ANO10: variants seen among roughly 807,000 people sequenced by gnomAD.
The protein encoded by ANO10 is anoctamin 10.
ANO10 carries 77 observed loss-of-function variants against 74.7 expected under a neutral mutation model. The ratio of observed to expected loss-of-function variants is 1.03; its 90% CI spans 0.86 to 1.25. ANO10 has a LOEUF of 1.25. ANO10 is among the 50% of genes most tolerant of loss of function. The probability of loss-of-function intolerance (pLI) is 0.00; values close to 1 mark genes in which losing one functional copy is unlikely to be tolerated. For synonymous variants in ANO10, 279 were observed against 284.9 expected, an observed-to-expected ratio of 0.98 and a Z score of 0.21; for missense variants, 721 against 778.1, an observed-to-expected ratio of 0.93 and a Z score of 0.87.
At chr3:43,528,825 G>A (rs924864566) in intron 11 of ANO10, among the ~76,000 whole-genome samples, 7 of 151,858 alleles carry the variant, frequency 4.6e-5, no homozygotes, top group Non-Finnish European at 8.8e-5. Flanking sequence ...TGAGCATGGT[G>A]GTGTGTGCCT....
chr3:43,616,966 C>A (rs1409137573), intron 1 of ANO10, among the ~76,000 whole-genome samples: 1 of 151,588 alleles, frequency 6.6e-6, no homozygotes, highest in East Asian at 1.9e-4. Context: ...ATGTGACAGA[C>A]TTTCATCTTG....
chr3:43,459,344 G>A (rs1361002075), intron 11 of ANO10, among the ~76,000 whole-genome samples: 2 of 152,152 alleles, frequency 1.3e-5, no homozygotes, highest in Admixed American at 1.3e-4. Flanking sequence ...GTAAATGGAG[G>A]ATAACCAAAT....
At chr3:43,522,996 G>C (rs1246824832) in intron 11 of ANO10, among the ~76,000 whole-genome samples, 1 of 152,220 alleles carries the variant, frequency 6.6e-6, no homozygotes, top group Non-Finnish European at 1.5e-5. Flanking sequence ...GCTGGAAAGG[G>C]AGTACCTGCA....
intron 12 of ANO10, among the ~76,000 whole-genome samples, chr3:43,395,028 T>C (rs34402945): frequency 0.044 from 6,693 of 152,068 alleles, 190 homozygotes; most frequent in East Asian, 0.11. Context: ...TTTCTCCTAG[T>C]GAAGAAAGGG....
intron 11 of ANO10, among the ~76,000 whole-genome samples, chr3:43,452,326 T>TAA (rs2074915613): frequency 6.6e-6 from 1 of 152,196 alleles, no homozygotes; most frequent in South Asian, 2.1e-4. Context: ...CTATGCCCCT[T>TAA]AATGGTCATT....
chr3:43,634,809 A>G (rs2083588875), intron 1 of ANO10, among the ~76,000 whole-genome samples: 1 of 152,192 alleles, frequency 6.6e-6, no homozygotes, highest in South Asian at 2.1e-4. Context: ...AGCACAGGCA[A>G]TCAGAGGAGG....
rs142525669 is a variant in ANO10, at chr3:43,667,327, G to A, written c.-12+24190C>T. Among the ~76,000 whole-genome samples the A allele has an allele frequency of 1.4e-3, 220 of 152,190 alleles. 1 individual carries two copies. Among genetic ancestry groups the A allele is most frequent in the African/African-American group, 5.1e-3 (212 of 41,496 alleles). ...GCTAGTCTCAAACTGCTGACCTCAT[G>A]ATACGCTCATGTCAGCCTCCCAAAG... On this transcript the variant is annotated intron_variant, in intron 1 of 3. Transcript: ENST00000413397.
At chr3:43,472,980 T>C (rs1216276586) in intron 11 of ANO10, among the ~76,000 whole-genome samples, 5 of 152,184 alleles carry the variant, frequency 3.3e-5, no homozygotes. Context: ...ATGATAAATA[T>C]GAATGACAAC....
intron 11 of ANO10, among the ~76,000 whole-genome samples, chr3:43,520,199 C>T (rs1334200120): frequency 2.6e-5 from 4 of 152,160 alleles, no homozygotes; most frequent in African/African-American, 9.7e-5. Flanking sequence ...TCCTCCCCAG[C>T]TCTTACTTTT....
chr3:43,600,418 T>C lies in ANO10; in HGVS notation c.303A>G (p.Thr101=), dbSNP rs1430912833. The C allele has an allele frequency of 1.2e-6, 2 of 1,614,012 alleles. No homozygotes were observed. The highest frequency in any genetic ancestry group is 4.5e-5 in the East Asian group (2 of 44,878). Residue 101 remains threonine, a synonymous_variant, in exon 3 of 13, where the codon ACA becomes ACG. Coordinates refer to ENST00000292246, the MANE Select transcript of ANO10 (RefSeq NM_018075.5). ...CTTTGAAGTTCTGTCTGGTTCTGTA[T>C]GTGAAGGCTCTCATGGTGTTATCAT... ...ECNDNTMRAF[T]YRTRQNFKGF...
rs147813361 is a variant in ANO10 at position 43,416,891 on chromosome 3, A to T, written c.1914+15720T>A. 1.9e-3 allele frequency among the ~76,000 whole-genome samples: 295 copies of T among 152,340 alleles called. 1 individual carries two copies. Among genetic ancestry groups the T allele is most frequent in the Non-Finnish European group, 3.7e-3 (251 of 68,030 alleles). ...GATCAAAAGACGAGTTATTTCAAAC[A>T]TCCACTCTGTGTACCTAACAATCGC... On this transcript the variant is annotated intron_variant, in intron 12 of 12. Coordinates refer to ENST00000292246, the MANE Select transcript of ANO10 (RefSeq NM_018075.5).
intron 7 of ANO10, among the ~76,000 whole-genome samples, chr3:43,572,302 T>G (rs986054171): frequency 5.9e-5 from 9 of 152,154 alleles, no homozygotes; most frequent in African/African-American, 2.2e-4. Flanking sequence ...GGGACTCCCC[T>G]GCTCCACAGA....
chr3:43,542,921 T>C (rs1230251044), intron 11 of ANO10, among the ~76,000 whole-genome samples: 1 of 152,160 alleles, frequency 6.6e-6, no homozygotes, highest in Admixed American at 6.5e-5. Context: ...TGCAAATTAG[T>C]AAGCACCTGC....
chr3:43,598,444 G>GT, intron 4 of ANO10, 88 bp downstream of exon 4: 2 of 1,324,416 alleles, frequency 1.5e-6, no homozygotes, highest in East Asian at 2.3e-5. Flanking sequence ...GTAAGTTTGT[G>GT]TAAGTTCTTC....
chr3:43,512,206 C>A (rs2077535420), intron 11 of ANO10, among the ~76,000 whole-genome samples: 1 of 152,098 alleles, frequency 6.6e-6, no homozygotes, highest in South Asian at 2.1e-4. Flanking sequence ...TGGGAAGGTG[C>A]CCACTCTCTC....
intron 12 of ANO10, among the ~76,000 whole-genome samples, chr3:43,392,070 C>T (rs903593641): frequency 7.9e-5 from 12 of 152,156 alleles, no homozygotes; most frequent in South Asian, 2.1e-4. Context: ...TAAAGTATCA[C>T]AGGGTCCTCA....
intron 7 of ANO10, among the ~76,000 whole-genome samples, chr3:43,571,797 G>A (rs545365762): frequency 6.9e-6 from 1 of 145,012 alleles, no homozygotes; most frequent in South Asian, 2.2e-4. Context: ...TAACTAACCT[G>A]CACAATGTGC....
intron 12 of ANO10, among the ~76,000 whole-genome samples, chr3:43,385,137 T>G (rs1046754330): frequency 6.6e-6 from 1 of 152,038 alleles, no homozygotes; most frequent in Non-Finnish European, 1.5e-5. Flanking sequence ...CAAAATAAGA[T>G]GTACAAATGG....
chr3:43,457,180 G>A (rs1185270894), intron 11 of ANO10, among the ~76,000 whole-genome samples: 1 of 152,220 alleles, frequency 6.6e-6, no homozygotes, highest in African/African-American at 2.4e-5. Flanking sequence ...ACTTGACACT[G>A]TGGTTAATAA....
Sources: allele counts gnomAD v4.1 joint callset (sites outside exome capture counted in the v4.1 genomes callset), GRCh38; gene constraint gnomAD v4.1.1; transcripts MANE v1.5; gene names NCBI Gene and HGNC (gene_info 2026-07-23, HGNC 2026-07-21).